NELL1: variants seen among roughly 807,000 people sequenced by gnomAD.
NELL1 encodes protein kinase C-binding protein NELL1.
Under a neutral mutation model 107.4 loss-of-function variants are expected in NELL1, and 76 were observed. The observed-to-expected ratio is 0.71, with a 90% CI of 0.59 to 0.86. NELL1 has a LOEUF of 0.86. Among genes scored for constraint, NELL1 ranks in the 40% least tolerant of loss-of-function variants. NELL1 has a pLI of 0.00. For missense variants in NELL1, 1,024 were observed against 1,005.5 expected (o/e 1.02, Z -0.25); for synonymous variants, 353 against 341.2 (o/e 1.03, Z -0.38).
At chr11:21,090,182 A>G (rs918269816) in intron 12 of NELL1, among the ~76,000 whole-genome samples, 1 of 152,200 alleles carries the variant, frequency 6.6e-6, no homozygotes, top group South Asian at 2.1e-4. Context: ...TGGGTGTTAA[A>G]TGGCCCAGAA....
At chr11:21,041,492 C>T (rs2134332615) in intron 12 of NELL1, among the ~76,000 whole-genome samples, 1 of 152,098 alleles carries the variant, frequency 6.6e-6, no homozygotes, top group South Asian at 2.1e-4. Context: ...TATATATTAC[C>T]TTATCACCTT....
chr11:21,039,185 T>TC (rs764772972), intron 12 of NELL1, among the ~76,000 whole-genome samples: 3 of 152,044 alleles, frequency 2.0e-5, no homozygotes, highest in Non-Finnish European at 2.9e-5. Flanking sequence ...TTTTTCTTTT[T>TC]CTTTTTTTTT....
chr11:21,378,285 A>ATG (rs1491068548), intron 15 of NELL1, among the ~76,000 whole-genome samples: 1 of 122,596 alleles, frequency 8.2e-6, no homozygotes, highest in Non-Finnish European at 1.9e-5. Flanking sequence ...ATATATATAT[A>ATG]TTATAGATAA....
At chr11:21,461,881 A>AGCCC (rs1853909231) in intron 15 of NELL1, among the ~76,000 whole-genome samples, 3 of 152,108 alleles carry the variant, frequency 2.0e-5, no homozygotes, top group Admixed American at 2.0e-4. Context: ...ACTACAAAAC[A>AGCCC]GCCCCCATGG....
chr11:21,386,083 T>A (rs1463226612), intron 15 of NELL1, among the ~76,000 whole-genome samples: 1 of 151,882 alleles, frequency 6.6e-6, no homozygotes, highest in Non-Finnish European at 1.5e-5. Context: ...ACATTTAATT[T>A]CATGTTTACT....
At chr11:21,284,512 G>A (rs747610279) in intron 14 of NELL1, 16 of 459,440 alleles carry the variant, frequency 3.5e-5, no homozygotes, top group African/African-American at 1.0e-4. Flanking sequence ...GTGGCATCCC[G>A]CTATCCTCAG....
At chr11:21,490,977 T>A (rs188850957) in intron 15 of NELL1, among the ~76,000 whole-genome samples, 26 of 152,226 alleles carry the variant, frequency 1.7e-4, no homozygotes, top group Admixed American at 1.4e-3. Context: ...AAAGCTTCTA[T>A]ACAGCAAAAG....
At chr11:21,470,820 G>A (rs1216601852) in intron 15 of NELL1, among the ~76,000 whole-genome samples, 1 of 152,092 alleles carries the variant, frequency 6.6e-6, no homozygotes, top group Admixed American at 6.6e-5. Flanking sequence ...CTCAGGTCCT[G>A]CACTAGCATT....
chr11:20,821,189 G>A (rs934274588), intron 3 of NELL1, among the ~76,000 whole-genome samples: 2 of 152,168 alleles, frequency 1.3e-5, no homozygotes, highest in African/African-American at 4.8e-5. Flanking sequence ...AGAGGTAGGT[G>A]GAGGGAGGGA....
intron 12 of NELL1, among the ~76,000 whole-genome samples, chr11:20,992,539 T>C (rs1045869511): frequency 3.3e-5 from 5 of 152,106 alleles, no homozygotes; most frequent in African/African-American, 1.2e-4. Context: ...TTTTGTCATT[T>C]ATAAGTCTGT....
intron 12 of NELL1, among the ~76,000 whole-genome samples, chr11:20,965,874 C>A (rs1026160762): frequency 3.9e-5 from 6 of 152,134 alleles, no homozygotes; most frequent in African/African-American, 1.4e-4. Context: ...AATGTAAATG[C>A]ACTTCTATAG....
intron 2 of NELL1, among the ~76,000 whole-genome samples, chr11:20,690,913 G>T (rs1271408944): frequency 6.6e-6 from 1 of 152,066 alleles, no homozygotes; most frequent in East Asian, 1.9e-4. Flanking sequence ...TCCTACCCAT[G>T]AGCATGGAAT....
intron 14 of NELL1, among the ~76,000 whole-genome samples, chr11:21,299,572 T>C (rs1005132723): frequency 4.7e-5 from 7 of 147,604 alleles, no homozygotes; most frequent in Non-Finnish European, 7.5e-5. Context: ...TGTTTATTTT[T>C]TGGACCCATA....
intron 13 of NELL1, among the ~76,000 whole-genome samples, chr11:21,143,322 A>G (rs1855908785): frequency 6.6e-6 from 1 of 152,188 alleles, no homozygotes; most frequent in Admixed American, 6.5e-5. Flanking sequence ...AATAAGCCAA[A>G]TGAATGAAAT....
chr11:21,109,919 G>A (rs1237216187), intron 12 of NELL1, among the ~76,000 whole-genome samples: 2 of 152,086 alleles, frequency 1.3e-5, no homozygotes, highest in East Asian at 1.9e-4. Flanking sequence ...CCCTGAGGAT[G>A]GAGAGGCAAT....
intron 15 of NELL1, among the ~76,000 whole-genome samples, chr11:21,470,442 C>G (rs4572136): frequency 0.85 from 129,206 of 151,996 alleles, 55,021 homozygotes; most frequent in East Asian, 0.97. Context: ...TATACTTTTT[C>G]AAAACATTTT....
intron 11 of NELL1, among the ~76,000 whole-genome samples, chr11:20,951,806 G>A (rs1407532006): frequency 1.3e-5 from 2 of 152,014 alleles, no homozygotes; most frequent in Admixed American, 6.5e-5. Flanking sequence ...AATCACCACT[G>A]CAGCTTTTCT....
rs112748466 is a variant in NELL1 at position 20,841,194 on chromosome 11, C to A, written c.336-6389C>A. Among the ~76,000 whole-genome samples, 412 of 152,276 alleles carry A rather than the reference C, an allele frequency of 2.7e-3. 2 individuals are homozygous for A. Among genetic ancestry groups the A allele is most frequent in the Admixed American group, 7.5e-3 (115 of 15,298 alleles). On this transcript the variant is annotated intron_variant, in intron 3 of 19. Transcript: ENST00000357134. ...CATTTATAGACCCAGACTTTTTCCA[C>A]CATATGGTGCCACCACCCAATAAGG...
At chr11:21,185,029 T>G (rs1590714077) in intron 13 of NELL1, among the ~76,000 whole-genome samples, 1 of 151,812 alleles carries the variant, frequency 6.6e-6, no homozygotes, top group Non-Finnish European at 1.5e-5. Context: ...CTTAACCAAT[T>G]GTCTGTCATC....
Sources: gnomAD v4.1 joint callset for allele counts (sites outside exome capture counted in the v4.1 genomes callset) on GRCh38, gnomAD v4.1.1 for gene constraint, MANE v1.5 for transcripts, NCBI Gene and HGNC (gene_info 2026-07-23, HGNC 2026-07-21) for gene names.